The following DGKD variants were observed in gnomAD, a reference collection of about 807,000 sequenced individuals.
The protein encoded by DGKD is DAG kinase delta.
DGKD carries 68 observed loss-of-function variants against 154.4 expected under a neutral mutation model. That is an observed-to-expected ratio of 0.44 (90% CI 0.36 to 0.54). DGKD has a LOEUF of 0.54. Among genes scored for constraint, DGKD ranks in the 20% least tolerant of loss-of-function variants. DGKD has a pLI of 0.00. For missense variants in DGKD, 1,343 were observed against 1,593.6 expected (o/e 0.84, Z 2.68); for synonymous variants, 693 against 638.0 (o/e 1.09, Z -1.30).
chr2:233,421,045 T>G (rs1006070586), intron 3 of DGKD, among the ~76,000 whole-genome samples: 1 of 152,160 alleles, frequency 6.6e-6, no homozygotes, highest in African/African-American at 2.4e-5. Flanking sequence ...GTATGAGTGA[T>G]CTCATTTCTA....
At chr2:233,467,256 G>T in intron 28 of DGKD, 53 bp downstream of exon 28, 1 of 1,294,504 alleles carries the variant, frequency 7.7e-7, no homozygotes, top group South Asian at 1.2e-5. Flanking sequence ...TGCTGGATCG[G>T]CCCCGTTCCC....
Position 233,387,770 on chromosome 2 carries a change from G to A in DGKD, c.157-487G>A, listed in dbSNP as rs114068212. Among the ~76,000 whole-genome samples the A allele has an allele frequency of 5.0e-3, 757 of 152,276 alleles. 4 individuals are homozygous for A. The highest frequency in any genetic ancestry group is 0.017 in the African/African-American group (716 of 41,554). ...GAGTGGTGGGTTGGGCTGAGGGCGC[G>A]GGCCTGGAGCTTCTGAGCCCCAGAG... On this transcript the variant is annotated intron_variant, in intron 1 of 29. Coordinates refer to ENST00000264057, the MANE Select transcript of DGKD (RefSeq NM_152879.3).
At chr2:233,463,034 C>G (rs930927775) in intron 26 of DGKD, among the ~76,000 whole-genome samples, 2 of 152,180 alleles carry the variant, frequency 1.3e-5, no homozygotes, top group African/African-American at 4.8e-5. Flanking sequence ...CTGCCGAGAG[C>G]TGGCCACACT....
intron 3 of DGKD, among the ~76,000 whole-genome samples, chr2:233,433,207 A>G (rs1347468629): frequency 6.6e-6 from 1 of 152,248 alleles, no homozygotes; most frequent in Non-Finnish European, 1.5e-5. Flanking sequence ...TCATCAACAG[A>G]CACATGGATA....
chr2:233,461,189 T>C (rs889788415), intron 24 of DGKD, among the ~76,000 whole-genome samples: 2 of 152,250 alleles, frequency 1.3e-5, no homozygotes, highest in African/African-American at 4.8e-5. Flanking sequence ...AGCCGGCAGC[T>C]GTGCTGCTCC....
chr2:233,418,267 G>A (rs902079692), intron 3 of DGKD, among the ~76,000 whole-genome samples: 4 of 152,190 alleles, frequency 2.6e-5, no homozygotes, highest in African/African-American at 9.6e-5. Flanking sequence ...CCTTCTGCAT[G>A]CTGGTTGACT....
chr2:233,467,353 G>T lies in DGKD; in HGVS notation c.3424+150G>T. 8.7e-6 allele frequency: 6 copies of T among 688,294 alleles called. No homozygotes were observed. In the South Asian group the frequency reaches 1.0e-4, roughly 12 times the overall value. 42.6% of individuals were successfully genotyped at this position (688,294 alleles called of 1,614,324 possible). A position where few individuals can be genotyped will look rare whatever the true frequency, so the allele number is the denominator to read the frequency against. ...CCCGGTCCTGCGACCACACTTGTCT[G>T]TTGGTAGCTGCAGCCCTCCACCCTG... On this transcript the variant is annotated intron_variant, in intron 28 of 29. Coordinates refer to ENST00000264057, the MANE Select transcript of DGKD (RefSeq NM_152879.3).
intron 26 of DGKD, among the ~76,000 whole-genome samples, 179 bp downstream of exon 26, chr2:233,462,914 C>CA (rs2063696206): frequency 6.6e-6 from 1 of 152,234 alleles, no homozygotes; most frequent in Non-Finnish European, 1.5e-5. Flanking sequence ...GGCAACCCCT[C>CA]AGTCAGGTTG....
At chr2:233,434,526 C>T (rs375241645) in intron 4 of DGKD, 42 bp downstream of exon 4, 1 of 1,570,248 alleles carries the variant, frequency 6.4e-7, no homozygotes, top group Middle Eastern at 1.7e-4. Context: ...CTCCTGTTGC[C>T]TCCCTCACCC....
chr2:233,366,199 T>C (rs775925335), intron 1 of DGKD, among the ~76,000 whole-genome samples: 1 of 152,138 alleles, frequency 6.6e-6, no homozygotes, highest in Non-Finnish European at 1.5e-5. Flanking sequence ...TCCCCCAGAT[T>C]AGTGGGATAC....
intron 24 of DGKD, among the ~76,000 whole-genome samples, chr2:233,461,429 T>C (rs2063639776): frequency 6.6e-6 from 1 of 152,202 alleles, no homozygotes; most frequent in Admixed American, 6.5e-5. Flanking sequence ...GTGGTCGCTG[T>C]CCCAGTCATC....
intron 10 of DGKD, among the ~76,000 whole-genome samples, chr2:233,444,479 G>A (rs149646492): frequency 2.6e-5 from 4 of 151,414 alleles, no homozygotes; most frequent in Admixed American, 6.6e-5. Flanking sequence ...CTGTTTCCTC[G>A]CTGTCCTCCT....
chr2:233,436,205 G>A, intron 6 of DGKD, 111 bp from the exon 7 acceptor site: 1 of 1,538,648 alleles, frequency 6.5e-7, no homozygotes, highest in East Asian at 2.3e-5. Flanking sequence ...ATCAGGGAAG[G>A]AGCTTGTTCT....
intron 4 of DGKD, 64 bp from the exon 5 acceptor site, chr2:233,434,705 G>C (rs2125589504): frequency 1.3e-6 from 2 of 1,575,752 alleles, no homozygotes; most frequent in African/African-American, 1.4e-5. Context: ...TCTTGTCCAA[G>C]TTACTGCATT....
At position 233,457,074 on chromosome 2, in the gene DGKD, G is replaced by A; in HGVS notation, c.2472+79G>A. ...TGCCAGGCCTATTGCTTCTCCTGTT[G>A]ACCATTTCCTCCATGCACAGGGACT... On this transcript the variant is annotated intron_variant, in intron 20 of 29. Coordinates refer to ENST00000264057, the MANE Select transcript of DGKD (RefSeq NM_152879.3). The surrounding 1 kb of genome is among the most constrained non-coding windows in gnomAD (Gnocchi z 5.5). The A allele has an allele frequency of 7.2e-7, 1 of 1,381,576 alleles. No homozygotes were observed. Among genetic ancestry groups the A allele is most frequent in the Non-Finnish European group, 1.0e-6 (1 of 970,182 alleles). 85.6% of individuals were successfully genotyped at this position (1,381,576 alleles called of 1,614,324 possible). A position where few individuals can be genotyped will look rare whatever the true frequency, so the allele number is the denominator to read the frequency against.
At chr2:233,460,031 G>A (rs2063575394) in intron 23 of DGKD, 140 bp downstream of exon 23, 1 of 1,450,516 alleles carries the variant, frequency 6.9e-7, no homozygotes, top group East Asian at 2.5e-5. Flanking sequence ...TAAGCTAATA[G>A]GGCAGTAATT....
At chr2:233,395,325 C>T (rs1703934347) in intron 3 of DGKD, among the ~76,000 whole-genome samples, 1 of 152,110 alleles carries the variant, frequency 6.6e-6, no homozygotes, top group South Asian at 2.1e-4. Flanking sequence ...CACATGTGAC[C>T]ATACCCAGAT....
rs758827534 is a variant in DGKD, at chr2:233,459,658, C to T, written c.2695-99C>T. ...GGTGGGGTGTCCTGCAAGGCAGGGA[C>T]GGGTGTGTGGAGCAGGAAGGTCATG... On this transcript the variant is annotated intron_variant, in intron 22 of 29. Coordinates refer to ENST00000264057, the MANE Select transcript of DGKD (RefSeq NM_152879.3). The surrounding 1 kb of genome is among the most constrained non-coding windows in gnomAD (Gnocchi z 5.7). 5.3e-5 allele frequency: 79 copies of T among 1,485,872 alleles called. No homozygotes were observed. The highest frequency in any genetic ancestry group is 6.1e-5 in the Non-Finnish European group (67 of 1,103,380). The allele number at this position is 1,485,872 out of a possible 1,614,324, so 92.0% of individuals were successfully genotyped here.
chr2:233,437,527 C>G (rs764950943), intron 8 of DGKD, 48 bp downstream of exon 8: 4 of 1,543,642 alleles, frequency 2.6e-6, no homozygotes, highest in Non-Finnish European at 3.6e-6. Flanking sequence ...CACACGCTTC[C>G]TTCTCCACGC....
Sources: allele counts gnomAD v4.1 joint callset (sites outside exome capture counted in the v4.1 genomes callset), GRCh38; gene constraint gnomAD v4.1.1; non-coding constraint Gnocchi (gnomAD v3.1); transcripts MANE v1.5; gene names NCBI Gene and HGNC (gene_info 2026-07-23, HGNC 2026-07-21).